The following TMEM132C variants were observed in gnomAD, a reference collection of about 807,000 sequenced individuals.
TMEM132C encodes protein phosphatase 1, regulatory subunit 152.
Under a neutral mutation model 61.4 loss-of-function variants are expected in TMEM132C, and 29 were observed. The observed-to-expected ratio is 0.47, with a 90% CI of 0.35 to 0.64. TMEM132C has a LOEUF of 0.64. TMEM132C is among the 30% of genes least tolerant of loss of function. The pLI is 0.00. For missense variants in TMEM132C, 1,408 were observed against 1,476.9 expected (o/e 0.95, Z 0.76); for synonymous variants, 656 against 633.1 (o/e 1.04, Z -0.54).
At chr12:128,567,451 CACACACACA>C (rs1203240995) in intron 3 of TMEM132C, among the ~76,000 whole-genome samples, 1 of 144,314 alleles carries the variant, frequency 6.9e-6, no homozygotes, top group Non-Finnish European at 1.5e-5. Flanking sequence ...CACACACACA[CACACACACA>C]CACACACACA....
rs1246296999 is a variant in TMEM132C, at chr12:128,267,447, C to T, written c.45C>T (p.Cys15=). The T allele has an allele frequency of 1.0e-5, 13 of 1,264,222 alleles. No individual in the cohort carries two copies. The African/African-American group carries it at 1.2e-4, about 12-fold the overall frequency. The allele number at this position is 1,264,222 out of a possible 1,614,324, so 78.3% of individuals were successfully genotyped here. A position where few individuals can be genotyped will look rare whatever the true frequency, so the allele number is the denominator to read the frequency against. The change falls in exon 1 of 9, where the codon TGC becomes TGT. Residue 15 remains cysteine, a synonymous_variant. Transcript: ENST00000435159. ...GAAPGPAAPL[C]GALSLLLGAL... is the part of the protein sequence containing the mutation. ...CCCCCGGGCCGGCGGCGCCGCTGTG[C>T]GGGGCGCTGAGCCTGCTGCTGGGCG...
intron 2 of TMEM132C, among the ~76,000 whole-genome samples, chr12:128,500,410 C>T (rs951809704): frequency 2.0e-5 from 3 of 151,664 alleles, no homozygotes; most frequent in African/African-American, 7.3e-5. Context: ...AAGAGACAAC[C>T]TGCAGAATGG....
intron 2 of TMEM132C, among the ~76,000 whole-genome samples, chr12:128,534,290 G>A (rs11059740): frequency 0.54 from 81,849 of 152,116 alleles, 22,812 homozygotes; most frequent in Non-Finnish European, 0.61. Context: ...CGTGAGCCCC[G>A]TTCAGGTAAC....
At chr12:128,434,652 G>A (rs763159938) in intron 2 of TMEM132C, among the ~76,000 whole-genome samples, 13 of 151,120 alleles carry the variant, frequency 8.6e-5, no homozygotes, top group Admixed American at 2.0e-4. Context: ...ACCCAGCCTC[G>A]TGTGCAGTGG....
At chr12:128,698,051 T>G (rs976624748) in intron 8 of TMEM132C, among the ~76,000 whole-genome samples, 1 of 152,222 alleles carries the variant, frequency 6.6e-6, no homozygotes, top group Non-Finnish European at 1.5e-5. Flanking sequence ...AAAGCATGTT[T>G]CTCCTCCATG....
At chr12:128,520,002 T>G (rs1356678300) in intron 2 of TMEM132C, among the ~76,000 whole-genome samples, 1 of 152,250 alleles carries the variant, frequency 6.6e-6, no homozygotes, top group Non-Finnish European at 1.5e-5. Flanking sequence ...CTGTTTATGA[T>G]TAAATCTCTA....
intron 3 of TMEM132C, among the ~76,000 whole-genome samples, chr12:128,568,301 G>T (rs1356436120): frequency 6.6e-6 from 1 of 152,080 alleles, no homozygotes; most frequent in Non-Finnish European, 1.5e-5. Flanking sequence ...CTGGAAAAAA[G>T]AATCATAGAT....
chr12:128,426,336 C>T (rs550537048), intron 2 of TMEM132C, among the ~76,000 whole-genome samples: 2 of 152,330 alleles, frequency 1.3e-5, no homozygotes, highest in South Asian at 4.1e-4. Context: ...ACATACCTGG[C>T]TTGCCCTGCA....
Position 128,570,769 on chromosome 12 carries a change from C to T in TMEM132C, c.1121+26666C>T, listed in dbSNP as rs1432535081. 1.3e-5 allele frequency among the ~76,000 whole-genome samples: 2 copies of T among 152,180 alleles called. No homozygotes were observed. The highest frequency in any genetic ancestry group is 2.9e-5 in the Non-Finnish European group (2 of 68,040). ...AATGGAGGAAGATGTATGGCTAAGG[C>T]AATAAGTAGGTGAAGGCTGGCGCTG... On this transcript the variant is annotated intron_variant, in intron 3 of 8. Transcript: ENST00000435159. The surrounding 1 kb of genome is among the most constrained non-coding windows in gnomAD (Gnocchi z 4.7).
chr12:128,365,409 C>A (rs938794449), intron 1 of TMEM132C, among the ~76,000 whole-genome samples: 2 of 152,154 alleles, frequency 1.3e-5, no homozygotes, highest in Non-Finnish European at 2.9e-5. Context: ...TATTATTTTA[C>A]ACTATTATAC....
chr12:128,445,412 G>A (rs1001772500), intron 2 of TMEM132C, among the ~76,000 whole-genome samples: 3 of 152,050 alleles, frequency 2.0e-5, no homozygotes, highest in Non-Finnish European at 4.4e-5. Flanking sequence ...GTCTTTTTGC[G>A]AGGCACTTTC....
At chr12:128,559,459 G>T (rs767473408) in intron 3 of TMEM132C, among the ~76,000 whole-genome samples, 2 of 152,034 alleles carry the variant, frequency 1.3e-5, no homozygotes, top group African/African-American at 2.4e-5. Flanking sequence ...TCATATTCGT[G>T]AAATAAACTC....
At chr12:128,514,088 C>T (rs1283101269) in intron 2 of TMEM132C, among the ~76,000 whole-genome samples, 1 of 152,176 alleles carries the variant, frequency 6.6e-6, no homozygotes, top group Non-Finnish European at 1.5e-5. Context: ...CTGTCCAGCT[C>T]CCCGAGGAAT....
At chr12:128,571,941 T>A (rs183138252) in intron 3 of TMEM132C, among the ~76,000 whole-genome samples, 1 of 152,368 alleles carries the variant, frequency 6.6e-6, no homozygotes, top group East Asian at 1.9e-4. Flanking sequence ...ACACAAAACA[T>A]TCCAGGGTAG....
intron 2 of TMEM132C, among the ~76,000 whole-genome samples, chr12:128,448,803 C>T (rs1221240510): frequency 3.3e-5 from 5 of 152,064 alleles, no homozygotes; most frequent in African/African-American, 9.7e-5. Context: ...TTAACCAATT[C>T]GTATTAACTT....
intron 2 of TMEM132C, among the ~76,000 whole-genome samples, chr12:128,522,217 C>A (rs7316357): frequency 6.6e-6 from 1 of 152,128 alleles, no homozygotes; most frequent in Non-Finnish European, 1.5e-5. Context: ...AACAATTAGC[C>A]GCGCACACAT....
At chr12:128,405,877 A>G (rs920740515) in intron 1 of TMEM132C, among the ~76,000 whole-genome samples, 51 of 152,192 alleles carry the variant, frequency 3.4e-4, no homozygotes, top group Non-Finnish European at 1.6e-4. Flanking sequence ...AGTCTTGGGC[A>G]TGTATGTACT....
intron 2 of TMEM132C, among the ~76,000 whole-genome samples, chr12:128,458,942 C>T (rs1227217747): frequency 6.6e-6 from 1 of 152,206 alleles, no homozygotes; most frequent in Non-Finnish European, 1.5e-5. Flanking sequence ...ACATTAAGTC[C>T]AGTGGCCAGG....
intron 2 of TMEM132C, among the ~76,000 whole-genome samples, chr12:128,537,957 C>T (rs762853270): frequency 1.3e-5 from 2 of 152,048 alleles, no homozygotes; most frequent in East Asian, 3.9e-4. Context: ...TTTAAATTTA[C>T]TTTTTAAGAC....
Sources: gnomAD v4.1 joint callset for allele counts (sites outside exome capture counted in the v4.1 genomes callset) on GRCh38, gnomAD v4.1.1 for gene constraint, Gnocchi (gnomAD v3.1) non-coding constraint, MANE v1.5 for transcripts, NCBI Gene and HGNC (gene_info 2026-07-23, HGNC 2026-07-21) for gene names.